The following TOP2A variants were observed in gnomAD, a reference collection of about 807,000 sequenced individuals.
TOP2A encodes DNA topoisomerase II alpha, also known as DNA topoisomerase 2-alpha.
A neutral mutation model predicts 187.2 loss-of-function variants in TOP2A; 68 were observed. The ratio of observed to expected loss-of-function variants is 0.36; its 90% CI spans 0.30 to 0.44. The LOEUF is 0.44. TOP2A is among the 20% of genes least tolerant of loss of function. The pLI, the probability that TOP2A is intolerant of heterozygous loss-of-function variation, is 1.00. For synonymous variants in TOP2A, 542 were observed against 593.2 expected (o/e 0.91, Z 1.25); for missense variants, 1,196 against 1,808.7 (o/e 0.66, Z 6.14).
intron 4 of TOP2A, among the ~76,000 whole-genome samples, chr17:40,414,854 CAAA>C (rs531134947): frequency 1.5e-4 from 7 of 47,616 alleles, no homozygotes; most frequent in Admixed American, 6.8e-4. Context: ...AAAACTCCAT[CAAA>C]AAAAAAAAAA....
In TOP2A at chr17:40,400,314, A is replaced by C; in HGVS notation, c.2895T>G (p.Thr965=). The C allele has an allele frequency of 6.2e-7, 1 of 1,613,116 alleles. No homozygotes were observed. The highest frequency in any genetic ancestry group is 8.5e-7 in the Non-Finnish European group (1 of 1,179,704). The part of the protein sequence containing the change: ...TDYREYHTDT[T]VKFVVKMTEE... ...CAGTCATCTTCACAACAAATTTCACAGTGGTATCTGTATGGTATTCCCTAT... is the reference window on the plus strand; with the variant it reads ...CAGTCATCTTCACAACAAATTTCACCGTGGTATCTGTATGGTATTCCCTAT... The change falls in exon 23 of 35, where the codon ACT becomes ACG. Residue 965 remains threonine (T), a synonymous_variant. Transcript: ENST00000423485.
intron 32 of TOP2A, 77 bp from the exon 33 acceptor site, chr17:40,391,717 T>A: frequency 7.3e-7 from 1 of 1,372,090 alleles, no homozygotes; most frequent in Non-Finnish European, 9.7e-7. Flanking sequence ...GTCCCTGGTA[T>A]GAATTCCTAT....
chr17:40,399,752 G>A, intron 24 of TOP2A, 120 bp downstream of exon 24: 1 of 728,956 alleles, frequency 1.4e-6, no homozygotes, highest in South Asian at 2.0e-5. Context: ...GCGTGTATAA[G>A]TGACCAGGTG....
At chr17:40,406,714 G>C in intron 14 of TOP2A, 25 bp from the exon 15 acceptor site, 3 of 1,597,652 alleles carry the variant, frequency 1.9e-6, no homozygotes, top group Non-Finnish European at 2.6e-6. Context: ...AATGACTGTG[G>C]CTTTGTACAC....
chr17:40,389,696 T>TTA, intron 34 of TOP2A, 49 bp from the exon 35 acceptor site: 1 of 1,575,878 alleles, frequency 6.3e-7, no homozygotes, highest in Non-Finnish European at 8.6e-7. Flanking sequence ...TCTGACAACA[T>TTA]AATTGTAATG....
At chr17:40,405,465 T>G (rs1035240015) in intron 16 of TOP2A, among the ~76,000 whole-genome samples, 1 of 148,608 alleles carries the variant, frequency 6.7e-6, no homozygotes, top group Non-Finnish European at 1.5e-5. Flanking sequence ...TTGTTTTTTT[T>G]TTTTTTTGAG....
intron 24 of TOP2A, chr17:40,399,406 C>T: frequency 2.5e-6 from 1 of 401,298 alleles, no homozygotes; most frequent in Non-Finnish European, 4.5e-6. Flanking sequence ...AGTGGCACTA[C>T]CTAGGCTCAC....
At chr17:40,404,638 G>A in intron 17 of TOP2A, 147 bp from the exon 18 acceptor site, 1 of 722,212 alleles carries the variant, frequency 1.4e-6, no homozygotes. Context: ...TATTTTATAT[G>A]TTTTAAAGAT....
In TOP2A at chr17:40,411,018, T is replaced by A; in HGVS notation, c.1203+91A>T. ...ATTGGGAAGACTTGGAGAAGCTCACTATGAGAAGAATCATTGTTTCTGCAG... is the reference window on the plus strand; with the variant it reads ...ATTGGGAAGACTTGGAGAAGCTCACAATGAGAAGAATCATTGTTTCTGCAG... On this transcript the variant is annotated intron_variant, in intron 10 of 34. Transcript: ENST00000423485. The surrounding 1 kb of genome is among the most constrained non-coding windows in gnomAD (Gnocchi z 4.4). 7.6e-7 allele frequency: 1 copy of A among 1,315,456 alleles called. No individual in the cohort carries two copies. The highest frequency in any genetic ancestry group is 1.5e-5 in the South Asian group (1 of 64,602). 81.5% of individuals were successfully genotyped at this position (1,315,456 alleles called of 1,614,324 possible).
chr17:40,408,826 T>C (rs1428358170), intron 10 of TOP2A, 196 bp from the exon 11 acceptor site: 1 of 689,680 alleles, frequency 1.4e-6, no homozygotes, highest in East Asian at 2.8e-5. Flanking sequence ...CTCCTTTTGG[T>C]TCATTCGTTC....
chr17:40,400,190 T>C lies in TOP2A; in HGVS notation c.3000+19A>G, dbSNP rs752588310. ...TAATATAAATTGAAACGTGTACATC[T>C]CACAAAACAAATACATACCATAGAG... On this transcript the variant is annotated intron_variant, in intron 23 of 34. Coordinates refer to ENST00000423485, the MANE Select transcript of TOP2A (RefSeq NM_001067.4). 6.2e-7 allele frequency: 1 copy of C among 1,612,098 alleles called. No homozygotes were observed. The highest frequency in any genetic ancestry group is 1.1e-5 in the South Asian group (1 of 91,012).
chr17:40,390,428 G>A (rs955864463), intron 33 of TOP2A, among the ~76,000 whole-genome samples: 1 of 152,032 alleles, frequency 6.6e-6, no homozygotes, highest in African/African-American at 2.4e-5. Flanking sequence ...GACCTCAGGT[G>A]ATCCACTCGC....
In TOP2A at chr17:40,413,505, A is replaced by G. The variant is rs2035350338; in HGVS notation, c.453T>C (p.Tyr151=). 1 of 1,536,172 alleles carries G rather than the reference A, an allele frequency of 6.5e-7. No homozygotes were observed. The highest frequency in any genetic ancestry group is 1.3e-5 in the South Asian group (1 of 79,320). Residue 151 remains tyrosine, a synonymous_variant, in exon 5 of 35, where the codon TAT becomes TAC. Coordinates refer to ENST00000423485, the MANE Select transcript of TOP2A (RefSeq NM_001067.4). ...IFGQLLTSSN[Y]DDDEKKVTGG... ...CTGTCACTTTCTTTTCATCATCATCATAGTTACTAGAAGTTAGGAGCTGTC... is the reference window on the plus strand; with the variant it reads ...CTGTCACTTTCTTTTCATCATCATCGTAGTTACTAGAAGTTAGGAGCTGTC...
rs1169634334 is a variant in TOP2A, at chr17:40,400,950, C to G, written c.2564G>C (p.Gly855Ala). Residue 855 changes from glycine (G) to alanine (A), a missense_variant, in exon 21 of 35, where the codon GGA (glycine) becomes GCA (alanine). Transcript: ENST00000423485. The stretch of plus-strand genomic sequence containing the variant: ...TTTGCAGGACCACCCAGTACCGATT[C>G]CTTCAGCACCATTTATCAGCACCAT... ...IPMVLINGAEGIGTGWSCKIP... is the reference protein window; with the variant it reads ...IPMVLINGAEAIGTGWSCKIP... The G allele has an allele frequency of 1.9e-6, 3 of 1,613,852 alleles. No individual in the cohort carries two copies. Among genetic ancestry groups the G allele is most frequent in the Non-Finnish European group, 2.5e-6 (3 of 1,179,890 alleles).
chr17:40,413,369 C>A, intron 5 of TOP2A, 77 bp from the exon 6 acceptor site: 1 of 1,397,812 alleles, frequency 7.2e-7, no homozygotes, highest in South Asian at 1.3e-5. Flanking sequence ...ACTGGCAGAG[C>A]TATTCAATTA....
At chr17:40,398,285 G>C (rs894227409) in intron 27 of TOP2A, among the ~76,000 whole-genome samples, 1 of 151,596 alleles carries the variant, frequency 6.6e-6, no homozygotes, top group Non-Finnish European at 1.5e-5. Context: ...TGTGTTTTTA[G>C]TAGAAATGGG....
At chr17:40,401,726 A>G (rs1391362374) in intron 20 of TOP2A, among the ~76,000 whole-genome samples, 1 of 152,100 alleles carries the variant, frequency 6.6e-6, no homozygotes, top group Non-Finnish European at 1.5e-5. Context: ...AAAAAAAACA[A>G]CAAAAAACAA....
At chr17:40,402,376 T>G (rs2143653157) in intron 20 of TOP2A, among the ~76,000 whole-genome samples, 1 of 152,062 alleles carries the variant, frequency 6.6e-6, no homozygotes, top group Non-Finnish European at 1.5e-5. Flanking sequence ...GGGAATTGAG[T>G]GTAGGCATTG....
Position 40,390,146 on chromosome 17 carries a change from G to T in TOP2A, c.4286C>A (p.Thr1429Asn). 1 of 1,612,512 alleles carries T rather than the reference G, an allele frequency of 6.2e-7. No homozygotes were observed. Among genetic ancestry groups the T allele is most frequent in the Non-Finnish European group, 8.5e-7 (1 of 1,179,388 alleles). ...TAAKSQSSTSTTGAKKRAAPK... is the reference protein window; with the variant it reads ...TAAKSQSSTSNTGAKKRAAPK... ...GGCAGCCCTTTTTTTGGCACCGGTA[G>T]TGGAGGTGGAAGACTGACCTGCAAT... Residue 1429 changes from threonine (T) to asparagine (N), a missense_variant, in exon 34 of 35, where the codon ACT becomes AAT. Transcript: ENST00000423485.
Sources: gnomAD v4.1 joint callset for allele counts (sites outside exome capture counted in the v4.1 genomes callset) on GRCh38, gnomAD v4.1.1 for gene constraint, Gnocchi (gnomAD v3.1) non-coding constraint, MANE v1.5 for transcripts, NCBI Gene and HGNC (gene_info 2026-07-23, HGNC 2026-07-21) for gene names.